HELZ: variants seen among roughly 807,000 people sequenced by gnomAD.
The protein encoded by HELZ is helicase with zinc finger.
HELZ carries 23 observed loss-of-function variants against 218.2 expected under a neutral mutation model. The ratio of observed to expected loss-of-function variants is 0.11; its 90% CI spans 0.08 to 0.15. HELZ has a LOEUF of 0.15. HELZ is among the 10% of genes least tolerant of loss of function. HELZ has a pLI of 1.00. For missense variants in HELZ, 1,813 were observed against 2,353.7 expected (o/e 0.77, Z 4.75); for synonymous variants, 814 against 829.4 (o/e 0.98, Z 0.32).
In HELZ at chr17:67,108,472, TTTTC is replaced by T; in HGVS notation, c.4724+16_4724+19del. 1.0e-5 allele frequency: 16 copies of T among 1,585,518 alleles called. No individual in the cohort carries two copies. The highest frequency in any genetic ancestry group is 1.4e-5 in the Non-Finnish European group (16 of 1,154,744). On this transcript the variant is annotated intron_variant, in intron 30 of 32. Coordinates refer to ENST00000358691, the MANE Select transcript of HELZ (RefSeq NM_014877.4). This position sits in a 1 kb window ranked among gnomAD's most constrained non-coding sequence, Gnocchi z 4.1. ...TGAGGGGGTCGCATTCCAGGGGCTA[TTTTC>T]AGTCCGCTGGAATACCTTGAGTATG...
intron 31 of HELZ, among the ~76,000 whole-genome samples, chr17:67,106,143 T>C (rs772481802): frequency 9.9e-5 from 15 of 152,062 alleles, no homozygotes; most frequent in Non-Finnish European, 1.9e-4. Flanking sequence ...TTTACACATT[T>C]TTATCTTTAA....
At chr17:67,112,768 C>G (rs2143775914) in intron 28 of HELZ, among the ~76,000 whole-genome samples, 1 of 152,280 alleles carries the variant, frequency 6.6e-6, no homozygotes, top group South Asian at 2.1e-4. Flanking sequence ...ACAGGTGGGA[C>G]TAGGACAGAA....
chr17:67,158,415 G>A (rs188514918), intron 17 of HELZ, among the ~76,000 whole-genome samples: 3 of 152,162 alleles, frequency 2.0e-5, no homozygotes. Context: ...TTGTCTATTA[G>A]AAAAATTATA....
chr17:67,134,737 C>A (rs1328312175), intron 23 of HELZ, among the ~76,000 whole-genome samples: 1 of 151,726 alleles, frequency 6.6e-6, no homozygotes, highest in Non-Finnish European at 1.5e-5. Context: ...CTGTCATTAT[C>A]TATATTGTAA....
chr17:67,095,840 G>A (rs1260182134), intron 31 of HELZ, among the ~76,000 whole-genome samples: 1 of 152,214 alleles, frequency 6.6e-6, no homozygotes, highest in Non-Finnish European at 1.5e-5. Context: ...TTTTTAGCCA[G>A]AGAATCATTA....
At position 67,217,984 on chromosome 17, in the gene HELZ, G is replaced by C. The variant is rs563527008; in HGVS notation, c.210+611C>G. Among the ~76,000 whole-genome samples, 113 of 151,302 alleles carry C rather than the reference G, an allele frequency of 7.5e-4. 1 individual carries two copies. Among genetic ancestry groups the C allele is most frequent in the African/African-American group, 2.7e-3 (111 of 41,072 alleles). On this transcript the variant is annotated intron_variant, in intron 4 of 32. Transcript: ENST00000358691. ...GAGTCTCGCCCTGTTGCCCAGGCTG[G>C]AGGGCAGTGGTGCAACCTCGGCTCC...
At chr17:67,171,028 T>C (rs528073143) in intron 13 of HELZ, among the ~76,000 whole-genome samples, 24 of 149,440 alleles carry the variant, frequency 1.6e-4, no homozygotes, top group Admixed American at 3.3e-4. Flanking sequence ...TTTGCTAAGA[T>C]GATGTACAGT....
At chr17:67,197,834 A>T (rs2143054227) in intron 7 of HELZ, among the ~76,000 whole-genome samples, 1 of 152,340 alleles carries the variant, frequency 6.6e-6, no homozygotes, top group South Asian at 2.1e-4. Context: ...ATGCCTTCTG[A>T]TTATCAGTAA....
intron 31 of HELZ, among the ~76,000 whole-genome samples, chr17:67,091,489 T>C (rs538480975): frequency 1.4e-4 from 21 of 152,246 alleles, no homozygotes; most frequent in Middle Eastern, 3.4e-3. Flanking sequence ...AATAATCATT[T>C]TGCCATTCTA....
intron 17 of HELZ, among the ~76,000 whole-genome samples, chr17:67,153,743 A>G (rs1434397907): frequency 3.3e-5 from 5 of 152,256 alleles, no homozygotes; most frequent in African/African-American, 9.6e-5. Flanking sequence ...TTAATATTCA[A>G]TGTACACTGC....
intron 22 of HELZ, among the ~76,000 whole-genome samples, chr17:67,137,165 A>C (rs1378010387): frequency 1.3e-5 from 2 of 152,154 alleles, no homozygotes; most frequent in African/African-American, 2.4e-5. Flanking sequence ...AAATAGTAAC[A>C]TATCTATTCC....
At position 67,189,619 on chromosome 17, in the gene HELZ, G is replaced by T; in HGVS notation, c.834C>A (p.His278Gln). 6.2e-7 allele frequency: 1 copy of T among 1,613,056 alleles called. No individual in the cohort carries two copies. The highest frequency in any genetic ancestry group is 2.2e-5 in the East Asian group (1 of 44,852). Reference sequence around the variant, plus strand: ...AAGTGAGAGCAAAGGTCCATGTCTGGTGGGATTTTTTGGTGCTGACAGTAA... The same window carrying T: ...AAGTGAGAGCAAAGGTCCATGTCTGTTGGGATTTTTTGGTGCTGACAGTAA... ...LSVTVSTKKS[H>Q]QTWTFALTCK... is the part of the protein sequence containing the mutation. The change falls in exon 11 of 33, where the codon CAC (histidine) becomes CAA (glutamine). Residue 278 changes from histidine to glutamine, a missense_variant. Physicochemically the swap from His to Gln is conservative, Grantham distance 24. This residue lies in a region of HELZ where 714 missense variants were observed against 1,029.2 expected (regional missense o/e 0.69). Coordinates refer to ENST00000358691, the MANE Select transcript of HELZ (RefSeq NM_014877.4).
intron 15 of HELZ, among the ~76,000 whole-genome samples, chr17:67,164,618 A>T (rs1017083581): frequency 1.3e-5 from 2 of 151,626 alleles, no homozygotes; most frequent in African/African-American, 4.9e-5. Flanking sequence ...CCACAATTAA[A>T]AACTTTTTAA....
rs1305607797 is a variant in HELZ at position 67,072,913 on chromosome 17, A to T, written c.*5339T>A. The T allele has an allele frequency of 6.6e-6, 1 of 152,224 alleles. No individual in the cohort carries two copies. The highest frequency in any genetic ancestry group is 1.5e-5 in the Non-Finnish European group (1 of 68,046). 9.4% of individuals were successfully genotyped at this position (152,224 alleles called of 1,614,324 possible). A position where few individuals can be genotyped will look rare whatever the true frequency, so the allele number is the denominator to read the frequency against. The stretch of plus-strand genomic sequence containing the variant: ...GACTGGCAGCATCAGCATCGCCTGG[A>T]AACTTGTTGGAAATGCAAATCATCA... On this transcript the variant is annotated 3_prime_UTR_variant, in exon 33 of 33. Coordinates refer to ENST00000358691, the MANE Select transcript of HELZ (RefSeq NM_014877.4).
Position 67,107,180 on chromosome 17 carries a change from T to C in HELZ, c.5230A>G (p.Ser1744Gly), listed in dbSNP as rs533703783. Residue 1744 changes from serine (S) to glycine (G), a missense_variant, in exon 31 of 33, where the codon AGC becomes GGC. By Grantham distance (56) the Ser-to-Gly change is moderately conservative. Transcript: ENST00000358691. ...AAGAAGACATTTACCTCTTCTAAGCTAGGGAGCGAAGAAGAAGATACTGTT... is the reference window on the plus strand; with the variant it reads ...AAGAAGACATTTACCTCTTCTAAGCCAGGGAGCGAAGAAGAAGATACTGTT... ...SRTVSSSSLP[S>G]LEEYEPRGPG... 1.2e-6 allele frequency: 2 copies of C among 1,612,332 alleles called. No individual in the cohort carries two copies. Among genetic ancestry groups the C allele is most frequent in the African/African-American group, 2.7e-5 (2 of 74,946 alleles).
intron 15 of HELZ, among the ~76,000 whole-genome samples, chr17:67,164,645 A>G (rs564549727): frequency 1.9e-4 from 26 of 138,258 alleles, no homozygotes; most frequent in African/African-American, 9.2e-4. Context: ...TAACATAAAG[A>G]TAAGGAGGCA....
At chr17:67,101,980 A>G (rs1292874958) in intron 31 of HELZ, among the ~76,000 whole-genome samples, 1 of 152,176 alleles carries the variant, frequency 6.6e-6, no homozygotes, top group African/African-American at 2.4e-5. Context: ...TCCTCATCCC[A>G]TCACACCTGT....
intron 31 of HELZ, among the ~76,000 whole-genome samples, chr17:67,095,803 T>A (rs1276941079): frequency 1.3e-5 from 2 of 152,180 alleles, no homozygotes; most frequent in African/African-American, 2.4e-5. Context: ...TTTTTAGCAA[T>A]ACAGTATATA....
intron 24 of HELZ, among the ~76,000 whole-genome samples, chr17:67,127,675 T>C (rs995175433): frequency 2.0e-5 from 3 of 152,046 alleles, no homozygotes; most frequent in Admixed American, 6.6e-5. Flanking sequence ...TGCTAAACCT[T>C]GTCTCTACGA....
Sources: gnomAD v4.1 joint callset for allele counts (sites outside exome capture counted in the v4.1 genomes callset) on GRCh38, gnomAD v4.1.1 for gene constraint, gnomAD v4.1.1 regional missense constraint, Gnocchi (gnomAD v3.1) non-coding constraint, MANE v1.5 for transcripts, NCBI Gene and HGNC (gene_info 2026-07-23, HGNC 2026-07-21) for gene names.